Variants in DNAH17 observed in about 807,000 individuals in gnomAD.
DNAH17 encodes axonemal beta dynein heavy chain 17.
DNAH17 carries 376 observed loss-of-function variants against 485.6 expected under a neutral mutation model. That is an observed-to-expected ratio of 0.77 (90% confidence interval 0.71 to 0.84). The LOEUF (loss-of-function observed/expected upper bound fraction) is 0.84. DNAH17 is among the 40% of genes least tolerant of loss of function. DNAH17 has a pLI of 0.00. For missense variants in DNAH17, 6,370 were observed against 5,839.3 expected (o/e 1.09, Z -2.96); for synonymous variants, 3,031 against 2,405.9 (o/e 1.26, Z -7.60).
chr17:78,536,847 G>A (rs1038730250), intron 19 of DNAH17, among the ~76,000 whole-genome samples: 3 of 152,026 alleles, frequency 2.0e-5, no homozygotes, highest in African/African-American at 7.2e-5. Context: ...GAGAGAAGTG[G>A]CCATGTCATC....
At chr17:78,472,866 A>G (rs2088829120) in intron 54 of DNAH17, 1 of 392,150 alleles carries the variant, frequency 2.6e-6, no homozygotes, top group Non-Finnish European at 5.3e-6. Context: ...TGTGCTTTCA[A>G]ACTATCCTTC....
intron 75 of DNAH17, 58 bp downstream of exon 75, chr17:78,433,971 G>GGGAAGGAGGGAGGGAAGGAGGGAA: frequency 1.4e-6 from 2 of 1,379,844 alleles, no homozygotes; most frequent in Non-Finnish European, 2.0e-6. Context: ...GAAGGAGGGA[G>GGGAAGGAGGGAGGGAAGGAGGGAA]GGAAGGAGGG....
At chr17:78,428,423 C>T in intron 77 of DNAH17, 102 bp downstream of exon 77, 2 of 1,403,064 alleles carry the variant, frequency 1.4e-6, no homozygotes, top group Non-Finnish European at 2.0e-6. Context: ...GAGTGTACCT[C>T]ACCAGCAAGT....
At position 78,428,562 on chromosome 17, in the gene DNAH17, T is replaced by G. The variant is rs1170987469; in HGVS notation, c.12551A>C (p.Asp4184Ala). 2 of 1,613,450 alleles carry G rather than the reference T, an allele frequency of 1.2e-6. No individual in the cohort carries two copies. Among genetic ancestry groups the G allele is most frequent in the South Asian group, 2.2e-5 (2 of 90,988 alleles). Residue 4184 changes from aspartate (D) to alanine (A), a missense_variant, in exon 77 of 81, where the codon GAC becomes GCC. Transcript: ENST00000389840. The part of the protein sequence containing the change: ...TVLEMQPKET[D>A]SGAGTGVSRE... ...GGACACTCCCGTGCCTGCCCCCGAG[T>G]CCGTCTCTTTTGGCTGCATTTCCAG...
intron 3 of DNAH17, 21 bp downstream of exon 3, chr17:78,572,680 G>C (rs1415716153): frequency 6.3e-7 from 1 of 1,578,532 alleles, no homozygotes; most frequent in Admixed American, 1.8e-5. Flanking sequence ...GCGGCAGCCG[G>C]AAGCAGCTGG....
At position 78,428,645 on chromosome 17, in the gene DNAH17, G is replaced by A. The variant is rs755608869; in HGVS notation, c.12468C>T (p.His4156=). The change falls in exon 77 of 81, where the codon CAC becomes CAT. Residue 4156 remains histidine (H), a synonymous_variant. Transcript: ENST00000389840. ...PPESPYLYGL[H]PNAEIGFLTV... ...TCAGAAAGCCAATCTCTGCGTTGGG[G>A]TGCAGGCCATACAGATAGGGACTCT... The A allele has an allele frequency of 6.2e-7, 1 of 1,613,986 alleles. No homozygotes were observed. The highest frequency in any genetic ancestry group is 8.5e-7 in the Non-Finnish European group (1 of 1,179,904).
rs368002261 is a variant in DNAH17 at position 78,476,590 on chromosome 17, G to A, written c.8136C>T (p.Ser2712=). 3 of 1,610,556 alleles carry A rather than the reference G, an allele frequency of 1.9e-6. No homozygotes were observed. Among genetic ancestry groups the A allele is most frequent in the Non-Finnish European group, 2.5e-6 (3 of 1,178,396 alleles). The part of the protein sequence containing the change: ...QETLHRVTMA[S]TKKFFDDLGD... ...GACTTACATCAAAGAACTTCTTGGT[G>A]GAGGCCATGGTGACTCTATGCAATG... The change falls in exon 52 of 81, where the codon TCC becomes TCT. Residue 2712 remains serine (S), a synonymous_variant. Transcript: ENST00000389840.
intron 16 of DNAH17, among the ~76,000 whole-genome samples, chr17:78,545,821 G>A (rs2091745556): frequency 6.6e-6 from 1 of 152,018 alleles, no homozygotes; most frequent in Admixed American, 6.6e-5. Flanking sequence ...AACATTTTAG[G>A]ACAACTATAA....
At chr17:78,472,132 C>T (rs2088780356) in intron 54 of DNAH17, among the ~76,000 whole-genome samples, 1 of 152,242 alleles carries the variant, frequency 6.6e-6, no homozygotes, top group Non-Finnish European at 1.5e-5. Context: ...TTGGCCAAAA[C>T]ATCAGCAGCA....
chr17:78,560,678 T>C (rs1278141453), intron 13 of DNAH17, 62 bp downstream of exon 13: 1 of 1,477,376 alleles, frequency 6.8e-7, no homozygotes, highest in Non-Finnish European at 9.0e-7. Context: ...TGAGGGAACC[T>C]TGGCAGGCCC....
chr17:78,561,064 A>T lies in DNAH17; in HGVS notation c.1836-129T>A, dbSNP rs73387541. 1.3e-5 allele frequency: 11 copies of T among 828,016 alleles called. No individual in the cohort carries two copies. In the African/African-American group the frequency reaches 1.9e-4, roughly 14 times the overall value. The allele number at this position is 828,016 out of a possible 1,614,324, so 51.3% of individuals were successfully genotyped here. A position where few individuals can be genotyped will look rare whatever the true frequency, so the allele number is the denominator to read the frequency against. ...CCACCCAATTACTCGAGGCTCACAG[A>T]CTGAATATGCAAACAAGCAGTGGCC... On this transcript the variant is annotated intron_variant, in intron 12 of 80. Transcript: ENST00000389840.
chr17:78,460,819 T>A (rs2088082365), intron 58 of DNAH17, among the ~76,000 whole-genome samples: 1 of 152,098 alleles, frequency 6.6e-6, no homozygotes, highest in African/African-American at 2.4e-5. Context: ...AAATGGAACG[T>A]CTCAGAGTGT....
intron 44 of DNAH17, among the ~76,000 whole-genome samples, chr17:78,487,088 C>T (rs1021896506): frequency 4.0e-5 from 6 of 151,418 alleles, no homozygotes; most frequent in African/African-American, 1.5e-4. Flanking sequence ...CTTGAAGAGC[C>T]GTGCCAGACT....
chr17:78,522,093 T>C (rs957278031), intron 25 of DNAH17, among the ~76,000 whole-genome samples: 22 of 152,164 alleles, frequency 1.4e-4, no homozygotes, highest in African/African-American at 5.3e-4. Context: ...ACCTGACAAA[T>C]AGCTAGATTC....
At position 78,461,562 on chromosome 17, in the gene DNAH17, C is replaced by A. The variant is rs771227618; in HGVS notation, c.9321G>T (p.Lys3107Asn). 6.3e-7 allele frequency: 1 copy of A among 1,598,492 alleles called. No homozygotes were observed. The highest frequency in any genetic ancestry group is 1.1e-5 in the South Asian group (1 of 88,216). ...EKAIADQEEV[K>N]VEVINKNVTE... ...CACCTACCTTATTGATGACCTCGAC[C>A]TTGACTTCTTCCTGGTCAGCAATGG... Residue 3107 changes from lysine to asparagine, a missense_variant, in exon 58 of 81, where the codon AAG becomes AAT. Lys to Asn is a moderately conservative substitution (Grantham distance 94). Coordinates refer to ENST00000389840, the MANE Select transcript of DNAH17 (RefSeq NM_173628.4).
chr17:78,486,044 G>C lies in DNAH17; in HGVS notation c.7191C>G (p.Tyr2397Ter). The C allele has an allele frequency of 6.2e-7, 1 of 1,613,986 alleles. No homozygotes were observed. The highest frequency in any genetic ancestry group is 8.5e-7 in the Non-Finnish European group (1 of 1,179,898). ...ACTTTTTTGTGTCAGGATCAATGTA[G>C]TAGTCAAAAATCGTTCCCTGCGAGG... The part of the protein sequence containing the change: ...KFPSQGTIFD[Y>*]YIDPDTKKFL... The change falls in exon 46 of 81, where the codon TAC (tyrosine) becomes TAG (stop). Residue 2397 changes from tyrosine (Y) to a stop codon, truncating the protein, a stop_gained. Transcript: ENST00000389840. LOFTEE classifies it high-confidence loss of function.
chr17:78,480,870 T>A (rs1307825560), intron 48 of DNAH17, 84 bp from the exon 49 acceptor site: 1 of 899,560 alleles, frequency 1.1e-6, no homozygotes, highest in Admixed American at 2.3e-5. Context: ...AAGAATGCCC[T>A]CCTTATTATT....
chr17:78,479,229 A>C lies in DNAH17; in HGVS notation c.7901-113T>G. 10 of 1,129,190 alleles carry C rather than the reference A, an allele frequency of 8.9e-6. 1 individual carries two copies. The South Asian group carries it at 1.5e-4, about 17-fold the overall frequency. 69.9% of individuals were successfully genotyped at this position (1,129,190 alleles called of 1,614,324 possible). ...ACGAAATGGTGACAACTGGAGTAAGAAATCTGCACAGCTCTTTGAAGTGGG... is the reference window on the plus strand; with the variant it reads ...ACGAAATGGTGACAACTGGAGTAAGCAATCTGCACAGCTCTTTGAAGTGGG... On this transcript the variant is annotated intron_variant, in intron 50 of 80. Transcript: ENST00000389840.
chr17:78,484,569 G>A (rs2089502265), intron 48 of DNAH17, among the ~76,000 whole-genome samples: 1 of 97,144 alleles, frequency 1.0e-5, no homozygotes, highest in South Asian at 3.1e-4. Context: ...AGGGGGGAAG[G>A]AGGATCCCCC....
Sources: gnomAD v4.1 joint callset for allele counts (sites outside exome capture counted in the v4.1 genomes callset) on GRCh38, gnomAD v4.1.1 for gene constraint, MANE v1.5 for transcripts, NCBI Gene and HGNC (gene_info 2026-07-23, HGNC 2026-07-21) for gene names.